Variants in RRM2 observed in about 807,000 individuals in gnomAD.
RRM2 encodes ribonucleoside-diphosphate reductase subunit M2.
RRM2 carries 6 observed loss-of-function variants against 45.9 expected under a neutral mutation model. The ratio of observed to expected loss-of-function variants is 0.13; its 90% confidence interval spans 0.07 to 0.26. RRM2 has a LOEUF of 0.26. Ranked by LOEUF, RRM2 falls within the 10% of genes least tolerant of loss-of-function variation. The probability of loss-of-function intolerance (pLI) is 1.00; values close to 1 mark genes in which losing one functional copy is unlikely to be tolerated. For missense variants in RRM2, 343 were observed against 489.5 expected (o/e 0.70, Z 2.82); for synonymous variants, 177 against 173.0 (o/e 1.02, Z -0.18).
chr2:10,189,881 G>A (rs1297809141), intron 3 of RRM2, among the ~76,000 whole-genome samples: 2 of 152,258 alleles, frequency 1.3e-5, no homozygotes, highest in Non-Finnish European at 2.9e-5. Flanking sequence ...GGGCACTTGA[G>A]AAGTGTCTGT....
chr2:10,141,916 A>G (rs750221904), exon 2 of RRM2: 5 of 1,578,182 alleles, frequency 3.2e-6, no homozygotes, highest in Non-Finnish European at 4.3e-6. Context: ...ACAGCACGCC[A>G]GTGAGGGAGA....
chr2:10,125,345 C>A (rs772446384), intron 5 of RRM2, among the ~76,000 whole-genome samples: 2 of 152,160 alleles, frequency 1.3e-5, no homozygotes, highest in Non-Finnish European at 2.9e-5. Context: ...AGCTTAAGGT[C>A]TGTTTTGTTT....
Position 10,172,839 on chromosome 2 carries a change from C to T in RRM2, n.482+30464C>T, listed in dbSNP as rs766534111. The stretch of plus-strand genomic sequence containing the variant: ...CAGAGCCTGAAACCGAGCTCAGGGC[C>T]CATCTGAGCAGGGGCCCGGTGTGAC... On this transcript the variant is annotated intron_variant and non_coding_transcript_variant, in intron 3 of 3. Coordinates refer to the RRM2 transcript ENST00000381786. The surrounding 1 kb of genome is among the most constrained non-coding windows in gnomAD (Gnocchi z 4.9). 4.1e-4 allele frequency among the ~76,000 whole-genome samples: 62 copies of T among 152,360 alleles called. No individual in the cohort carries two copies. The highest frequency in any genetic ancestry group is 4.1e-4 in the South Asian group (2 of 4,828).
chr2:10,210,317 A>G, exon 4 of RRM2: 1 of 1,366,750 alleles, frequency 7.3e-7, no homozygotes, highest in African/African-American at 1.5e-5. Context: ...TCAGTCTTCC[A>G]GGATCTCAAC....
intron 3 of RRM2, among the ~76,000 whole-genome samples, chr2:10,193,537 G>A (rs1224507161): frequency 1.3e-5 from 2 of 152,248 alleles, no homozygotes; most frequent in Non-Finnish European, 2.9e-5. Flanking sequence ...AGCCGAGCGC[G>A]CCTGCAGGAG....
rs1262663772 is a variant in RRM2 at position 10,169,255 on chromosome 2, G to C, written n.482+26880G>C. Among the ~76,000 whole-genome samples the C allele has an allele frequency of 6.6e-6, 1 of 151,742 alleles. No homozygotes were observed. The highest frequency in any genetic ancestry group is 6.6e-5 in the Admixed American group (1 of 15,220). Reference sequence around the variant, plus strand: ...AGCCTCCCACAGTGCTGGGATTACAGGTGTGCGCCACTGTGCCCAGCTGCT... The same window carrying C: ...AGCCTCCCACAGTGCTGGGATTACACGTGTGCGCCACTGTGCCCAGCTGCT... On this transcript the variant is annotated intron_variant and non_coding_transcript_variant, in intron 3 of 3. Coordinates refer to the RRM2 transcript ENST00000381786. This position sits in a 1 kb window ranked among gnomAD's most constrained non-coding sequence, Gnocchi z 5.1.
At chr2:10,188,285 A>C (rs1364514590) in intron 3 of RRM2, among the ~76,000 whole-genome samples, 1 of 152,156 alleles carries the variant, frequency 6.6e-6, no homozygotes, top group African/African-American at 2.4e-5. Flanking sequence ...ATGGGGGCTC[A>C]CACCGCAGGA....
intron 3 of RRM2, among the ~76,000 whole-genome samples, chr2:10,196,207 C>T (rs1664410670): frequency 1.3e-5 from 2 of 152,206 alleles, no homozygotes; most frequent in South Asian, 4.1e-4. Flanking sequence ...GAGCTTCAGA[C>T]CCGTGTGAAG....
At chr2:10,154,225 G>T (rs895956998) in intron 3 of RRM2, among the ~76,000 whole-genome samples, 1 of 152,184 alleles carries the variant, frequency 6.6e-6, no homozygotes, top group Non-Finnish European at 1.5e-5. Flanking sequence ...TGTAATCCCA[G>T]CACTTTGGGA....
chr2:10,208,797 G>A (rs1039047051), intron 3 of RRM2, among the ~76,000 whole-genome samples: 4 of 152,012 alleles, frequency 2.6e-5, no homozygotes, highest in Non-Finnish European at 5.9e-5. Flanking sequence ...CCTATCTCAG[G>A]TTCTGGTACC....
At chr2:10,170,887 T>C (rs145543171) in intron 3 of RRM2, among the ~76,000 whole-genome samples, 348 of 152,296 alleles carry the variant, frequency 2.3e-3, no homozygotes, top group African/African-American at 7.7e-3. Flanking sequence ...AAGCTGTGTC[T>C]GTTCCAAAAT....
At chr2:10,209,058 T>TTTCTTTCTTTC (rs771458079) in intron 3 of RRM2, among the ~76,000 whole-genome samples, 14 of 123,744 alleles carry the variant, frequency 1.1e-4, no homozygotes, top group South Asian at 2.4e-4. Flanking sequence ...TCTTTCTTTC[T>TTTCTTTCTTTC]TTTTTTTTTT....
At chr2:10,156,474 C>A (rs183563106) in intron 3 of RRM2, among the ~76,000 whole-genome samples, 137 of 152,280 alleles carry the variant, frequency 9.0e-4, no homozygotes, top group African/African-American at 3.0e-3. Flanking sequence ...CTCTGGGGGT[C>A]CAGCTGTGTC....
chr2:10,185,651 A>G lies in RRM2; in HGVS notation n.483-24660A>G, dbSNP rs1664149330. Reference sequence around the variant, plus strand: ...CATTCTTGAAAATACTCTTGAACATATTCTTGAGGATGAGAAATTCTTACA... The same window carrying G: ...CATTCTTGAAAATACTCTTGAACATGTTCTTGAGGATGAGAAATTCTTACA... On this transcript the variant is annotated intron_variant and non_coding_transcript_variant, in intron 3 of 3. Coordinates refer to the RRM2 transcript ENST00000381786. The surrounding 1 kb of genome is among the most constrained non-coding windows in gnomAD (Gnocchi z 4.3). Among the ~76,000 whole-genome samples the G allele has an allele frequency of 6.6e-6, 1 of 152,128 alleles. No homozygotes were observed. The highest frequency in any genetic ancestry group is 2.4e-5 in the African/African-American group (1 of 41,400).
downstream of RRM2, among the ~76,000 whole-genome samples, chr2:10,135,493 G>T (rs533561099): frequency 3.0e-4 from 46 of 152,254 alleles, no homozygotes; most frequent in Middle Eastern, 3.4e-3. Context: ...TGGGGGAGGG[G>T]AGGGGCATGC....
At position 10,169,394 on chromosome 2, in the gene RRM2, G is replaced by T. The variant is rs1320413964; in HGVS notation, n.482+27019G>T. 1.3e-5 allele frequency among the ~76,000 whole-genome samples: 2 copies of T among 152,188 alleles called. No homozygotes were observed. The highest frequency in any genetic ancestry group is 4.8e-5 in the African/African-American group (2 of 41,444). On this transcript the variant is annotated intron_variant and non_coding_transcript_variant, in intron 3 of 3. Transcript: ENST00000381786. The surrounding 1 kb of genome is among the most constrained non-coding windows in gnomAD (Gnocchi z 5.1). ...GTCCAGAATTGCTCTGAAAGACAAA[G>T]ACTGTCTTTGTTCTAGAAAAGTGCT...
intron 4 of RRM2, 54 bp downstream of exon 4, chr2:10,123,906 C>A: frequency 9.9e-7 from 1 of 1,008,166 alleles, no homozygotes; most frequent in Non-Finnish European, 1.6e-6. Context: ...TGAGGTCGAA[C>A]TAGTTCGCTT....
At chr2:10,156,487 C>T (rs1477983622) in intron 3 of RRM2, among the ~76,000 whole-genome samples, 1 of 152,326 alleles carries the variant, frequency 6.6e-6, no homozygotes, top group East Asian at 1.9e-4. Context: ...GCTGTGTCTC[C>T]AGTCGTCTGG....
chr2:10,162,158 G>A (rs16855897), intron 3 of RRM2, among the ~76,000 whole-genome samples: 3,851 of 152,202 alleles, frequency 0.025, 175 homozygotes, highest in African/African-American at 0.088. Context: ...TGGGAAGAGA[G>A]GTGCCAAGAG....
Sources: gnomAD v4.1 joint callset for allele counts (sites outside exome capture counted in the v4.1 genomes callset) on GRCh38, gnomAD v4.1.1 for gene constraint, Gnocchi (gnomAD v3.1) non-coding constraint, MANE v1.5 for transcripts, NCBI Gene and HGNC (gene_info 2026-07-23, HGNC 2026-07-21) for gene names.